TSPAN14: variants seen among roughly 807,000 people sequenced by gnomAD.
TSPAN14 encodes the protein tetraspanin-14.
A neutral mutation model predicts 36.6 loss-of-function variants in TSPAN14; 16 were observed. The observed-to-expected ratio is 0.44, with a 90% CI of 0.30 to 0.66. The LOEUF is 0.66. Ranked by LOEUF, TSPAN14 falls within the 30% of genes least tolerant of loss-of-function variation. The pLI is 0.12. For missense variants in TSPAN14, 231 were observed against 355.1 expected (o/e 0.65, Z 2.81); for synonymous variants, 139 against 143.8 (o/e 0.97, Z 0.24).
intron 8 of TSPAN14, among the ~76,000 whole-genome samples, chr10:80,517,539 ATGAGAAC>A: frequency 6.6e-6 from 1 of 152,352 alleles, no homozygotes; most frequent in East Asian, 1.9e-4. Context: ...TATTTTGGGA[ATGAGAAC>A]CAGTCAGCGT....
chr10:80,493,877 C>G (rs982913060), intron 2 of TSPAN14, among the ~76,000 whole-genome samples: 2 of 152,142 alleles, frequency 1.3e-5, no homozygotes, highest in African/African-American at 4.8e-5. Context: ...ATTTATACCC[C>G]CCACTGGTTC....
rs148999518 is a variant in TSPAN14 at position 80,477,011 on chromosome 10, T to C, written c.-17-12206T>C. Among the ~76,000 whole-genome samples the C allele has an allele frequency of 5.4e-3, 816 of 152,338 alleles. 9 individuals carry two copies. Among genetic ancestry groups the C allele is most frequent in the African/African-American group, 0.019 (775 of 41,576 alleles). ...GCAGAGTGCAGTTTCTTGCTACATG[T>C]AGAACTGAGTCCTTGCTTACTGTCA... On this transcript the variant is annotated intron_variant, in intron 1 of 8. Transcript: ENST00000429989.
intron 1 of TSPAN14, among the ~76,000 whole-genome samples, chr10:80,471,146 G>T (rs1388396750): frequency 6.6e-6 from 1 of 151,804 alleles, no homozygotes; most frequent in Non-Finnish European, 1.5e-5. Flanking sequence ...TGAGTTCCCT[G>T]AGTCAGGCAC....
chr10:80,457,468 C>T (rs899391677), intron 1 of TSPAN14, among the ~76,000 whole-genome samples: 6 of 152,182 alleles, frequency 3.9e-5, no homozygotes, highest in African/African-American at 1.2e-4. Flanking sequence ...GGATTACAGG[C>T]GTGAGCCACT....
chr10:80,521,918 A>C (rs1841287309), exon 9 of TSPAN14: 1 of 151,672 alleles, frequency 6.6e-6, no homozygotes, highest in Admixed American at 6.6e-5. Context: ...AAAGAAAAAA[A>C]AAAAAAAAAA....
intron 1 of TSPAN14, among the ~76,000 whole-genome samples, chr10:80,477,982 T>C (rs1442080604): frequency 6.6e-6 from 1 of 152,104 alleles, no homozygotes; most frequent in Admixed American, 6.6e-5. Flanking sequence ...AGACAGAAAC[T>C]TAGCCGCCCA....
chr10:80,463,068 A>C (rs1846064317), intron 1 of TSPAN14: 1 of 152,194 alleles, frequency 6.6e-6, no homozygotes, highest in African/African-American at 2.4e-5. Flanking sequence ...TGCTCTTCTT[A>C]GGAAAACTTT....
chr10:80,468,771 C>A (rs1846379078), intron 1 of TSPAN14: 1 of 143,480 alleles, frequency 7.0e-6, no homozygotes, highest in Admixed American at 7.4e-5. Context: ...CTCAGTGGTA[C>A]AATTAAGGCT....
chr10:80,503,960 T>C (rs1840135357), intron 2 of TSPAN14, among the ~76,000 whole-genome samples: 1 of 152,168 alleles, frequency 6.6e-6, no homozygotes, highest in Non-Finnish European at 1.5e-5. Flanking sequence ...TTCAGGAACC[T>C]GTGTGATGTA....
At chr10:80,508,900 C>A (rs551891240) in intron 4 of TSPAN14, among the ~76,000 whole-genome samples, 1 of 152,218 alleles carries the variant, frequency 6.6e-6, no homozygotes, top group Admixed American at 6.5e-5. Context: ...AGCCGACACC[C>A]CAGGATGCCA....
Position 80,509,674 on chromosome 10 carries a change from C to G in TSPAN14, c.450+203C>G. ...TGGTTGCCTGGTGGGCCAGCCCTTTCCCATTGGGATTGGGCAGGCAAGTCC... is the reference window on the plus strand; with the variant it reads ...TGGTTGCCTGGTGGGCCAGCCCTTTGCCATTGGGATTGGGCAGGCAAGTCC... On this transcript the variant is annotated intron_variant, in intron 5 of 8. Transcript: ENST00000429989. This position sits in a 1 kb window ranked among gnomAD's most constrained non-coding sequence, Gnocchi z 4.7. 2 of 597,252 alleles carry G rather than the reference C, an allele frequency of 3.3e-6. No individual in the cohort carries two copies. Among genetic ancestry groups the G allele is most frequent in the Non-Finnish European group, 5.7e-6 (2 of 348,390 alleles). 37.0% of individuals were successfully genotyped at this position (597,252 alleles called of 1,614,324 possible).
chr10:80,455,762 C>G (rs1845708315), intron 1 of TSPAN14, among the ~76,000 whole-genome samples: 5 of 152,106 alleles, frequency 3.3e-5, no homozygotes, highest in Admixed American at 2.6e-4. Context: ...CCTGTATGCC[C>G]TTCTATCCCC....
exon 4 of TSPAN14, chr10:80,507,278 T>TGTG: frequency 6.2e-7 from 1 of 1,614,224 alleles, no homozygotes. Flanking sequence ...GAATCGACCC[T>TGTG]GTGGTGCTGG....
Position 80,509,789 on chromosome 10 carries a change from C to T in TSPAN14, c.450+318C>T, listed in dbSNP as rs1433820016. The T allele has an allele frequency of 3.2e-6, 1 of 316,914 alleles. No individual in the cohort carries two copies. Among genetic ancestry groups the T allele is most frequent in the African/African-American group, 2.1e-5 (1 of 46,834 alleles). 19.6% of individuals were successfully genotyped at this position (316,914 alleles called of 1,614,324 possible). ...CAATCCTGCCCAATAGCCATACCAG[C>T]TGCAATCCTCCTTAGGCGCTGCATA... On this transcript the variant is annotated intron_variant, in intron 5 of 8. Transcript: ENST00000429989. This position sits in a 1 kb window ranked among gnomAD's most constrained non-coding sequence, Gnocchi z 4.7.
At chr10:80,516,549 G>A (rs1479542137) in intron 8 of TSPAN14, among the ~76,000 whole-genome samples, 1 of 152,246 alleles carries the variant, frequency 6.6e-6, no homozygotes, top group Non-Finnish European at 1.5e-5. Flanking sequence ...GGGCCCTCTG[G>A]GCGGGGGCAG....
chr10:80,472,302 G>C (rs1489606070), intron 1 of TSPAN14, among the ~76,000 whole-genome samples: 3 of 152,130 alleles, frequency 2.0e-5, no homozygotes, highest in Admixed American at 6.5e-5. Context: ...GTTTCCTCAT[G>C]GTTAGCTGCA....
rs756847195 is a variant in TSPAN14 at position 80,509,506 on chromosome 10, T to C, written c.450+35T>C. On this transcript the variant is annotated intron_variant, in intron 5 of 8. Transcript: ENST00000429989. The surrounding 1 kb of genome is among the most constrained non-coding windows in gnomAD (Gnocchi z 4.7). ...TCCCCAGCGGGCCCCCGATAGAGCA[T>C]GCACCTCCCTGTGCTGCCTGGAGCT... 1.9e-6 allele frequency: 3 copies of C among 1,602,532 alleles called. No homozygotes were observed. Among genetic ancestry groups the C allele is most frequent in the Non-Finnish European group, 2.6e-6 (3 of 1,173,990 alleles).
intron 1 of TSPAN14, among the ~76,000 whole-genome samples, chr10:80,475,528 G>A (rs749019097): frequency 2.0e-5 from 3 of 152,122 alleles, no homozygotes; most frequent in Admixed American, 6.5e-5. Flanking sequence ...GAGAAAAAAA[G>A]TTTTAAGTTA....
rs1589241637 is a variant in TSPAN14 at position 80,469,155 on chromosome 10, G to C, written c.-18+14784G>C. Among the ~76,000 whole-genome samples the C allele has an allele frequency of 3.9e-5, 6 of 152,004 alleles. 2 individuals carry two copies. In the South Asian group the frequency reaches 1.2e-3, roughly 32 times the overall value. ...GAGGTTATCTTTGGGGCATGGGGGT[G>C]GGGGTAGGGATGGGGGGGTAACTGG... On this transcript the variant is annotated intron_variant, in intron 1 of 8. Coordinates refer to ENST00000429989, the Ensembl canonical transcript of TSPAN14.
Sources: allele counts gnomAD v4.1 joint callset (sites outside exome capture counted in the v4.1 genomes callset), GRCh38; gene constraint gnomAD v4.1.1; non-coding constraint Gnocchi (gnomAD v3.1); transcripts MANE v1.5; gene names NCBI Gene and HGNC (gene_info 2026-07-23, HGNC 2026-07-21).